The following ABLIM2 variants were observed in gnomAD, a reference collection of about 807,000 sequenced individuals.
ABLIM2 encodes actin binding LIM protein family member 2, also known as actin-binding LIM protein 2.
Under a neutral mutation model 97.7 loss-of-function variants are expected in ABLIM2, and 53 were observed. The ratio of observed to expected loss-of-function variants is 0.54; its 90% CI spans 0.44 to 0.68. ABLIM2 has a LOEUF of 0.68. Among genes scored for constraint, ABLIM2 ranks in the 30% least tolerant of loss-of-function variants. ABLIM2 has a pLI of 0.00. For synonymous variants in ABLIM2, 361 were observed against 345.8 expected, an observed-to-expected ratio of 1.04 and a Z score of -0.49; for missense variants, 835 against 867.2, an observed-to-expected ratio of 0.96 and a Z score of 0.47.
intron 8 of ABLIM2, among the ~76,000 whole-genome samples, chr4:8,048,463 T>G (rs1421687978): frequency 6.6e-6 from 1 of 152,018 alleles, no homozygotes; most frequent in Non-Finnish European, 1.5e-5. Context: ...GTCTGACCCC[T>G]CTCATCTCCA....
At chr4:7,995,843 C>A (rs989856156) in intron 16 of ABLIM2, among the ~76,000 whole-genome samples, 4 of 152,172 alleles carry the variant, frequency 2.6e-5, no homozygotes, top group African/African-American at 9.6e-5. Context: ...ATTCCTCCCC[C>A]TCCCAGCCCC....
At chr4:8,038,115 A>C (rs1785730888) in intron 9 of ABLIM2, among the ~76,000 whole-genome samples, 1 of 151,916 alleles carries the variant, frequency 6.6e-6, no homozygotes, top group Non-Finnish European at 1.5e-5. Flanking sequence ...TGAGCTGTCT[A>C]CCCCGAGACA....
intron 20 of ABLIM2, among the ~76,000 whole-genome samples, chr4:7,980,793 GCT>G (rs2149603286): frequency 6.6e-6 from 1 of 151,644 alleles, no homozygotes; most frequent in East Asian, 1.9e-4. Context: ...TCCCTTTCTA[GCT>G]CTTTTTCTGA....
intron 18 of ABLIM2, 73 bp from the exon 19 acceptor site, chr4:7,983,627 C>T (rs1488138563): frequency 2.5e-5 from 40 of 1,572,072 alleles, no homozygotes; most frequent in Non-Finnish European, 3.1e-5. Context: ...TGAGTGCAAT[C>T]CCTGCCCTGG....
intron 12 of ABLIM2, 75 bp downstream of exon 12, chr4:8,027,684 C>T (rs1179126655): frequency 8.1e-7 from 1 of 1,228,696 alleles, no homozygotes; most frequent in Non-Finnish European, 1.1e-6. Context: ...ATGCGGCAGA[C>T]ATGGACAGCG....
At chr4:8,070,404 T>C (rs1435816196) in intron 6 of ABLIM2, among the ~76,000 whole-genome samples, 1 of 151,986 alleles carries the variant, frequency 6.6e-6, no homozygotes, top group African/African-American at 2.4e-5. Context: ...TTTGGCTTAT[T>C]TTATGATAAA....
In ABLIM2 at chr4:8,132,680, C is replaced by A. The variant is rs1456349464; in HGVS notation, c.10+26000G>T. Among the ~76,000 whole-genome samples, 2 of 152,198 alleles carry A rather than the reference C, an allele frequency of 1.3e-5. No homozygotes were observed. The highest frequency in any genetic ancestry group is 2.9e-5 in the Non-Finnish European group (2 of 68,032). On this transcript the variant is annotated intron_variant, in intron 1 of 20. Transcript: ENST00000447017. The surrounding 1 kb of genome is among the most constrained non-coding windows in gnomAD (Gnocchi z 8.0). ...CGGCCCCTACCCCGCTGTCTTCCCT[C>A]GGGTGACTCAGTCCTGGGCCTGCAA... is the stretch of plus-strand genomic sequence containing the variant.
In ABLIM2 at chr4:8,080,718, C is replaced by A; in HGVS notation, c.539G>T (p.Cys180Phe). The A allele has an allele frequency of 6.2e-7, 1 of 1,612,526 alleles. No individual in the cohort carries two copies. The highest frequency in any genetic ancestry group is 8.5e-7 in the Non-Finnish European group (1 of 1,178,844). The change falls in exon 5 of 21, where the codon TGC (cysteine) becomes TTC (phenylalanine). Residue 180 changes from cysteine (C) to phenylalanine (F), a missense_variant. By Grantham distance (205) the Cys-to-Phe change is radical. Transcript: ENST00000447017. ...DKHWHLGCFK[C>F]KSCGKLLNAE... is the part of the protein sequence containing the mutation. ...ATTCAGGAGCTTCCCACAGCTCTTG[C>A]ACTTAAAACAGCCCAAGTGCCAGTG...
rs1762544368 is a variant in ABLIM2 at position 8,008,033 on chromosome 4, G to A, written c.1618+26C>T. On this transcript the variant is annotated intron_variant, in intron 16 of 20. Coordinates refer to ENST00000447017, the MANE Select transcript of ABLIM2 (RefSeq NM_001130083.2). ...CGCGAGGCATTTTGTGCACATCACG[G>A]CTCCTTCTTCAAAAGAACCACTCAC... The A allele has an allele frequency of 1.9e-6, 3 of 1,612,768 alleles. No homozygotes were observed. The Admixed American group carries it at 5.0e-5, about 27-fold the overall frequency.
intron 20 of ABLIM2, among the ~76,000 whole-genome samples, chr4:7,977,202 G>A (rs1324699477): frequency 2.0e-5 from 3 of 152,172 alleles, no homozygotes; most frequent in African/African-American, 4.8e-5. Context: ...CTGCCACCAT[G>A]TAAGATGTGC....
At chr4:8,136,875 T>C (rs1408419140) in intron 1 of ABLIM2, among the ~76,000 whole-genome samples, 4 of 152,212 alleles carry the variant, frequency 2.6e-5, no homozygotes, top group Non-Finnish European at 5.9e-5. Context: ...CTCGCTACTA[T>C]GGTCTGAATG....
Position 7,986,160 on chromosome 4 carries a change from T to A in ABLIM2, c.1681-1267A>T, listed in dbSNP as rs1196186174. ...TGAAACTGGGTACAGGGATCACATT[T>A]CAGCAGGGAGAGTTCTGCAGCCAAA... On this transcript the variant is annotated intron_variant, in intron 17 of 20. Coordinates refer to ENST00000447017, the MANE Select transcript of ABLIM2 (RefSeq NM_001130083.2). The surrounding 1 kb of genome is among the most constrained non-coding windows in gnomAD (Gnocchi z 4.3). 6.6e-6 allele frequency among the ~76,000 whole-genome samples: 1 copy of A among 152,236 alleles called. No individual in the cohort carries two copies. Among genetic ancestry groups the A allele is most frequent in the Non-Finnish European group, 1.5e-5 (1 of 68,042 alleles).
rs181203758 is a variant in ABLIM2, at chr4:8,054,920, C to A, written c.764-674G>T. 2.6e-5 allele frequency among the ~76,000 whole-genome samples: 4 copies of A among 152,192 alleles called. No individual in the cohort carries two copies. The highest frequency in any genetic ancestry group is 2.0e-4 in the Admixed American group (3 of 15,284). ...TCAGTTTCTCTAGCTGTCAGTTCTG[C>A]CCAGTCACCCATGTCAACAGCCACT... On this transcript the variant is annotated intron_variant, in intron 7 of 20. Transcript: ENST00000447017. The surrounding 1 kb of genome is among the most constrained non-coding windows in gnomAD (Gnocchi z 4.9).
At chr4:8,091,167 T>G (rs562286894) in intron 3 of ABLIM2, among the ~76,000 whole-genome samples, 2 of 147,934 alleles carry the variant, frequency 1.4e-5, no homozygotes, top group Non-Finnish European at 3.0e-5. Flanking sequence ...TTTTAGTCGT[T>G]CTCATGGAGG....
chr4:7,979,752 T>C (rs1736526006), intron 20 of ABLIM2, among the ~76,000 whole-genome samples: 1 of 152,334 alleles, frequency 6.6e-6, no homozygotes, highest in Admixed American at 6.5e-5. Context: ...GCTCAGGTGA[T>C]GTCAGCAGCC....
rs369448495 is a variant in ABLIM2 at position 8,060,806 on chromosome 4, C to T, written c.763+161G>A. 3.2e-3 allele frequency among the ~76,000 whole-genome samples: 487 copies of T among 152,346 alleles called. 1 individual carries two copies. Among genetic ancestry groups the T allele is most frequent in the South Asian group, 0.011 (53 of 4,822 alleles). On this transcript the variant is annotated intron_variant, in intron 7 of 20. Coordinates refer to ENST00000447017, the MANE Select transcript of ABLIM2 (RefSeq NM_001130083.2). ...GCAGGCTGACGAGGCTGGCCTGGCA[C>T]GTGCCACCGCCCTGCCCTGCCGGCT... is the stretch of plus-strand genomic sequence containing the variant.
At chr4:8,088,784 T>G (rs1306631411) in intron 3 of ABLIM2, among the ~76,000 whole-genome samples, 1 of 152,212 alleles carries the variant, frequency 6.6e-6, no homozygotes, top group Admixed American at 6.5e-5. Flanking sequence ...TCAACCTAGT[T>G]GGTATTTGCT....
chr4:8,035,999 C>T lies in ABLIM2; in HGVS notation c.1047+150G>A, dbSNP rs527902585. ...TGAAATAGGATGTGCACATGGCTAT[C>T]TGATGGGCGTGAAGAGGCTGAGCGT... On this transcript the variant is annotated intron_variant, in intron 10 of 20. Coordinates refer to ENST00000447017, the MANE Select transcript of ABLIM2 (RefSeq NM_001130083.2). The T allele has an allele frequency of 7.1e-6, 7 of 984,578 alleles. No homozygotes were observed. In the Admixed American group the frequency reaches 2.0e-4, roughly 28 times the overall value. 61.0% of individuals were successfully genotyped at this position (984,578 alleles called of 1,614,324 possible). A position where few individuals can be genotyped will look rare whatever the true frequency, so the allele number is the denominator to read the frequency against.
intron 1 of ABLIM2, among the ~76,000 whole-genome samples, chr4:8,111,082 A>C: frequency 6.6e-6 from 1 of 152,250 alleles, no homozygotes; most frequent in East Asian, 1.9e-4. Context: ...TACATTAAAA[A>C]GAGAAGTTTC....
Sources: allele counts gnomAD v4.1 joint callset (sites outside exome capture counted in the v4.1 genomes callset), GRCh38; gene constraint gnomAD v4.1.1; non-coding constraint Gnocchi (gnomAD v3.1); transcripts MANE v1.5; gene names NCBI Gene and HGNC (gene_info 2026-07-23, HGNC 2026-07-21).